PPP3CA: variants seen among roughly 807,000 people sequenced by gnomAD.
PPP3CA encodes the protein CAM-PRP catalytic subunit.
A neutral mutation model predicts 66.5 loss-of-function variants in PPP3CA; 14 were observed. The ratio of observed to expected loss-of-function variants is 0.21; its 90% CI spans 0.14 to 0.33. The LOEUF (loss-of-function observed/expected upper bound fraction) is 0.33. PPP3CA is among the 10% of genes least tolerant of loss of function. PPP3CA has a pLI of 1.00. For missense variants in PPP3CA, 317 were observed against 639.5 expected (o/e 0.50, Z 5.44); for synonymous variants, 232 against 226.2 (o/e 1.03, Z -0.23).
chr4:101,112,356 A>G (rs747801199), intron 2 of PPP3CA, among the ~76,000 whole-genome samples: 1 of 152,178 alleles, frequency 6.6e-6, no homozygotes, highest in East Asian at 1.9e-4. Context: ...GATTTACAAT[A>G]TCACTGCAAT....
chr4:101,247,955 T>G (rs1726543238), intron 1 of PPP3CA, among the ~76,000 whole-genome samples: 1 of 152,116 alleles, frequency 6.6e-6, no homozygotes, highest in Admixed American at 6.5e-5. Flanking sequence ...CACACACATA[T>G]ATGAGAAAGA....
chr4:101,154,258 T>C (rs989284203), intron 2 of PPP3CA, among the ~76,000 whole-genome samples: 2 of 152,314 alleles, frequency 1.3e-5, no homozygotes, highest in Middle Eastern at 3.4e-3. Context: ...CATGAAATAT[T>C]TGCTGTTCTC....
intron 6 of PPP3CA, among the ~76,000 whole-genome samples, chr4:101,084,363 G>A (rs1412413354): frequency 3.9e-5 from 6 of 152,058 alleles, no homozygotes; most frequent in African/African-American, 1.2e-4. Context: ...ACAGTTGGCC[G>A]GGCATCGTGG....
At chr4:101,057,892 C>G (rs1048113701) in intron 10 of PPP3CA, among the ~76,000 whole-genome samples, 2 of 152,116 alleles carry the variant, frequency 1.3e-5, no homozygotes, top group East Asian at 3.8e-4. Context: ...GCTGGCAAAG[C>G]CCAATCAGGC....
chr4:101,107,949 T>TGA (rs1216226204), intron 3 of PPP3CA: 1 of 152,212 alleles, frequency 6.6e-6, no homozygotes, highest in East Asian at 1.9e-4. Flanking sequence ...TCTTTAAAAC[T>TGA]TATTCAATTT....
intron 1 of PPP3CA, among the ~76,000 whole-genome samples, chr4:101,341,709 C>A (rs555249056): frequency 1.3e-5 from 2 of 152,078 alleles, no homozygotes; most frequent in African/African-American, 4.8e-5. Flanking sequence ...ATAACATATA[C>A]CAGTGGAATT....
intron 1 of PPP3CA, among the ~76,000 whole-genome samples, chr4:101,317,854 T>A (rs139295609): frequency 6.6e-6 from 1 of 152,294 alleles, no homozygotes; most frequent in Non-Finnish European, 1.5e-5. Flanking sequence ...AACTGTGCAA[T>A]CATGGGCAAG....
At position 101,104,485 on chromosome 4, in the gene PPP3CA, T is replaced by C. The variant is rs1017629415; in HGVS notation, c.384+4469A>G. Among the ~76,000 whole-genome samples the C allele has an allele frequency of 5.3e-5, 8 of 151,972 alleles. No individual in the cohort carries two copies. The East Asian group carries it at 1.4e-3, about 26-fold the overall frequency. ...TTTTTTCGTGGTGCTTTGTGGTACA[T>C]GTAATGAATATACTATGGCAAAGGC... On this transcript the variant is annotated intron_variant, in intron 3 of 13. Transcript: ENST00000394854.
intron 1 of PPP3CA, among the ~76,000 whole-genome samples, chr4:101,204,309 G>A (rs1725060202): frequency 6.6e-6 from 1 of 151,858 alleles, no homozygotes; most frequent in Admixed American, 6.6e-5. Flanking sequence ...ACCTGGCCCT[G>A]ATTTTTTTAA....
chr4:101,341,966 C>A (rs537785915), intron 1 of PPP3CA, among the ~76,000 whole-genome samples: 1 of 152,028 alleles, frequency 6.6e-6, no homozygotes, highest in South Asian at 2.1e-4. Context: ...TAAATGGATT[C>A]TTTATTTGGT....
chr4:101,263,962 A>G (rs1479014162), intron 1 of PPP3CA, among the ~76,000 whole-genome samples: 3 of 152,174 alleles, frequency 2.0e-5, no homozygotes, highest in African/African-American at 7.2e-5. Flanking sequence ...AGAAGATGGT[A>G]AAAAGGGTGC....
chr4:101,274,751 A>C (rs1175792436), intron 1 of PPP3CA, among the ~76,000 whole-genome samples: 2 of 152,198 alleles, frequency 1.3e-5, no homozygotes, highest in Non-Finnish European at 2.9e-5. Context: ...GCCTTTAAAG[A>C]AAGCTTTCCT....
intron 1 of PPP3CA, among the ~76,000 whole-genome samples, chr4:101,313,361 A>G (rs1177596441): frequency 6.6e-6 from 1 of 152,184 alleles, no homozygotes; most frequent in African/African-American, 2.4e-5. Flanking sequence ...TCCCTGAGAC[A>G]TATCAGTGAG....
chr4:101,041,422 C>T (rs1727511511), intron 10 of PPP3CA, among the ~76,000 whole-genome samples: 1 of 142,542 alleles, frequency 7.0e-6, no homozygotes, highest in Non-Finnish European at 1.5e-5. Context: ...GAAAAAATAC[C>T]TCACAAATTT....
At chr4:101,231,975 G>A (rs1169562529) in intron 1 of PPP3CA, among the ~76,000 whole-genome samples, 2 of 151,578 alleles carry the variant, frequency 1.3e-5, no homozygotes, top group Non-Finnish European at 2.9e-5. Context: ...AGCATTCTGT[G>A]CTGAAAATAT....
intron 2 of PPP3CA, among the ~76,000 whole-genome samples, chr4:101,139,214 G>A (rs1478531095): frequency 2.6e-5 from 4 of 151,970 alleles, no homozygotes; most frequent in African/African-American, 4.8e-5. Context: ...AGGTGTGGTG[G>A]CAGGCACCTG....
At chr4:101,341,528 T>C (rs918558855) in intron 1 of PPP3CA, among the ~76,000 whole-genome samples, 1 of 152,178 alleles carries the variant, frequency 6.6e-6, no homozygotes, top group African/African-American at 2.4e-5. Context: ...ACATAACACG[T>C]GTCATTTCTA....
chr4:101,050,758 A>T (rs1163875000), intron 10 of PPP3CA, among the ~76,000 whole-genome samples: 1 of 152,194 alleles, frequency 6.6e-6, no homozygotes, highest in Admixed American at 6.6e-5. Context: ...TCAAAAAATA[A>T]ATGTGCCAGT....
chr4:101,033,410 A>ACTT (rs1727100223), intron 11 of PPP3CA, among the ~76,000 whole-genome samples: 1 of 152,028 alleles, frequency 6.6e-6, no homozygotes. Flanking sequence ...GAATTCCTGA[A>ACTT]CTTCTCCCCA....
Sources: allele counts gnomAD v4.1 joint callset (sites outside exome capture counted in the v4.1 genomes callset), GRCh38; gene constraint gnomAD v4.1.1; transcripts MANE v1.5; gene names NCBI Gene and HGNC (gene_info 2026-07-23, HGNC 2026-07-21).